MICALL1: variants seen among roughly 807,000 people sequenced by gnomAD.
The protein encoded by MICALL1 is MICAL like 1, also known as MICAL-like protein 1.
In MICALL1, 61 loss-of-function variants were observed where a neutral mutation model predicts 83.7. That is an observed-to-expected ratio of 0.73 (90% CI 0.59 to 0.90). MICALL1 has a LOEUF of 0.90. MICALL1 is among the 40% of genes least tolerant of loss of function. The pLI, the probability that MICALL1 is intolerant of heterozygous loss-of-function variation, is 0.00. For missense variants in MICALL1, 1,066 were observed against 1,152.0 expected (o/e 0.93, Z 1.08); for synonymous variants, 481 against 473.6 (o/e 1.02, Z -0.20).
At chr22:37,933,839 G>A (rs566673535) in intron 13 of MICALL1, among the ~76,000 whole-genome samples, 2 of 152,384 alleles carry the variant, frequency 1.3e-5, no homozygotes, top group South Asian at 4.1e-4. Context: ...GAGAGGTCAA[G>A]GGACTTGGCT....
At chr22:37,922,583 A>T (rs1199497402) in intron 6 of MICALL1, among the ~76,000 whole-genome samples, 157 bp downstream of exon 6, 9 of 70,660 alleles carry the variant, frequency 1.3e-4, no homozygotes, top group African/African-American at 5.2e-4. Flanking sequence ...GTTATTATAT[A>T]TATATATATA....
Position 37,937,781 on chromosome 22 carries a change from T to G in MICALL1, c.2459T>G (p.Ile820Ser). ...EEEDKMLEAM[I>S]KKKEFQREAE... Reference sequence around the variant, plus strand: ...GAAGACAAGATGTTGGAAGCCATGATCAAGAAGAAAGGTGAGGCCCTTGCT... The same window carrying G: ...GAAGACAAGATGTTGGAAGCCATGAGCAAGAAGAAAGGTGAGGCCCTTGCT... Residue 820 changes from isoleucine to serine, a missense_variant, in exon 15 of 16, where the codon ATC becomes AGC. Ile to Ser is a moderately radical substitution (Grantham distance 142). Transcript: ENST00000215957. The G allele has an allele frequency of 6.2e-7, 1 of 1,613,510 alleles. No homozygotes were observed. The highest frequency in any genetic ancestry group is 1.3e-5 in the African/African-American group (1 of 75,020).
chr22:37,912,043 G>A (rs1035115624), intron 2 of MICALL1, 43 bp downstream of exon 2: 5 of 219,704 alleles, frequency 2.3e-5, no homozygotes, highest in Non-Finnish European at 3.3e-5. Flanking sequence ...CTCTGTGTAT[G>A]TGTGTGTGTG....
Position 37,906,418 on chromosome 22 carries a change from G to A in MICALL1, c.-5G>A. The A allele has an allele frequency of 3.5e-6, 4 of 1,127,062 alleles. No homozygotes were observed. The highest frequency in any genetic ancestry group is 3.3e-6 in the Non-Finnish European group (3 of 920,570). 69.8% of individuals were successfully genotyped at this position (1,127,062 alleles called of 1,614,324 possible). On this transcript the variant is annotated 5_prime_UTR_variant, in exon 1 of 16. Transcript: ENST00000215957. The surrounding 1 kb of genome is among the most constrained non-coding windows in gnomAD (Gnocchi z 4.4). ...CAGAGCCGGAGCCGGGCGGGCCGCG[G>A]GGTCATGGCTGGGCCGCGGGGCGCG...
chr22:37,910,553 G>T (rs775181928), intron 1 of MICALL1, among the ~76,000 whole-genome samples: 12 of 152,188 alleles, frequency 7.9e-5, no homozygotes, highest in Admixed American at 3.3e-4. Flanking sequence ...AGCTAGGGAG[G>T]CAGCCCAGGG....
At chr22:37,927,882 T>G in intron 9 of MICALL1, 56 bp downstream of exon 9, 16 of 1,512,728 alleles carry the variant, frequency 1.1e-5, no homozygotes, top group Non-Finnish European at 1.4e-5. Context: ...GATGCGGGTC[T>G]GGTCTCAGGG....
At chr22:37,929,371 G>T (rs1350826141) in intron 9 of MICALL1, among the ~76,000 whole-genome samples, 2 of 152,222 alleles carry the variant, frequency 1.3e-5, no homozygotes, top group East Asian at 1.9e-4. Context: ...TCCCAGCCAG[G>T]TCAGGGGGAG....
intron 6 of MICALL1, among the ~76,000 whole-genome samples, 171 bp downstream of exon 6, chr22:37,922,597 ATATATTTTTTTTTTTTTT>A (rs1929133679): frequency 1.3e-5 from 1 of 77,158 alleles, no homozygotes; most frequent in African/African-American, 5.6e-5. Context: ...ATATATATAT[ATATATTTTTTTTTTTTTT>A]TTTTTTTTTT....
rs552025506 is a variant in MICALL1 at position 37,908,549 on chromosome 22, C to A, written c.146+1981C>A. ...TCTTGAGCTCAAGTAATCTGCCTAC[C>A]TCAGCCTCCCAAAATGCTGGGATTA... On this transcript the variant is annotated intron_variant, in intron 1 of 15. Transcript: ENST00000215957. Among the ~76,000 whole-genome samples the A allele has an allele frequency of 5.3e-5, 8 of 152,304 alleles. No homozygotes were observed. The South Asian group carries it at 1.7e-3, about 32-fold the overall frequency.
In MICALL1 at chr22:37,925,697, G is replaced by T; in HGVS notation, c.1119G>T (p.Thr373=). The change falls in exon 8 of 16, where the codon ACG becomes ACT. Residue 373 remains threonine (T), a synonymous_variant. Coordinates refer to ENST00000215957, the MANE Select transcript of MICALL1 (RefSeq NM_033386.4). ...PAPRKDPPWI[T]LVQAEPKKKP... Reference sequence around the variant, plus strand: ...CCAGGAAGGACCCCCCATGGATCACGCTGGTGCAGGCAGAACCAAAGAAGA... The same window carrying T: ...CCAGGAAGGACCCCCCATGGATCACTCTGGTGCAGGCAGAACCAAAGAAGA... 6.2e-7 allele frequency: 1 copy of T among 1,606,216 alleles called. No homozygotes were observed. The highest frequency in any genetic ancestry group is 8.5e-7 in the Non-Finnish European group (1 of 1,178,202).
intron 4 of MICALL1, 109 bp from the exon 5 acceptor site, chr22:37,918,927 G>A: frequency 7.5e-7 from 1 of 1,325,252 alleles, no homozygotes; most frequent in East Asian, 2.9e-5. Context: ...GAAGCCTGGT[G>A]CACACTTGAG....
chr22:37,928,563 C>G (rs151019871), intron 9 of MICALL1, among the ~76,000 whole-genome samples: 1 of 152,326 alleles, frequency 6.6e-6, no homozygotes, highest in African/African-American at 2.4e-5. Flanking sequence ...CTTGGCCAGT[C>G]TATCTACCCA....
At chr22:37,938,402 A>C (rs1424139732) in intron 15 of MICALL1, among the ~76,000 whole-genome samples, 2 of 112,798 alleles carry the variant, frequency 1.8e-5, no homozygotes, top group African/African-American at 8.2e-5. Flanking sequence ...ACTCAGTCTC[A>C]AAAAAAAAAA....
chr22:37,931,146 T>C (rs1427435962), intron 9 of MICALL1, among the ~76,000 whole-genome samples: 1 of 152,162 alleles, frequency 6.6e-6, no homozygotes, highest in African/African-American at 2.4e-5. Context: ...CTTGGGCTCA[T>C]GGGAAGTGTG....
intron 1 of MICALL1, among the ~76,000 whole-genome samples, chr22:37,908,458 G>A (rs889740895): frequency 2.6e-5 from 4 of 151,714 alleles, no homozygotes; most frequent in East Asian, 3.9e-4. Context: ...ACGCCACCAC[G>A]CCTGTCTAAT....
chr22:37,942,295 G>C lies in MICALL1; in HGVS notation c.*1465G>C, dbSNP rs184621855. 1.3e-5 allele frequency: 2 copies of C among 152,238 alleles called. No individual in the cohort carries two copies. The highest frequency in any genetic ancestry group is 1.3e-4 in the Admixed American group (2 of 15,276). The allele number at this position is 152,238 out of a possible 1,614,324, so 9.4% of individuals were successfully genotyped here. A position where few individuals can be genotyped will look rare whatever the true frequency, so the allele number is the denominator to read the frequency against. On this transcript the variant is annotated 3_prime_UTR_variant, in exon 16 of 16. Coordinates refer to ENST00000215957, the MANE Select transcript of MICALL1 (RefSeq NM_033386.4). ...CTTTCCAGGGCCAGACAGGTAACACGCATGAACCCGAGTGACAGCTCTGAC... is the reference window on the plus strand; with the variant it reads ...CTTTCCAGGGCCAGACAGGTAACACCCATGAACCCGAGTGACAGCTCTGAC...
intron 9 of MICALL1, among the ~76,000 whole-genome samples, chr22:37,931,391 G>GT (rs1929777736): frequency 6.6e-6 from 1 of 150,988 alleles, no homozygotes; most frequent in South Asian, 2.1e-4. Context: ...AAAAAAAAAA[G>GT]TAAATACAAA....
intron 3 of MICALL1, among the ~76,000 whole-genome samples, chr22:37,914,942 A>G (rs1196376768): frequency 6.7e-6 from 1 of 148,492 alleles, no homozygotes; most frequent in Non-Finnish European, 1.5e-5. Context: ...ATGCCCAGCC[A>G]TAAATAAATA....
At chr22:37,918,826 G>A (rs1028128859) in intron 4 of MICALL1, among the ~76,000 whole-genome samples, 3 of 152,254 alleles carry the variant, frequency 2.0e-5, no homozygotes, top group African/African-American at 2.4e-5. Flanking sequence ...GCTTTCCTCC[G>A]TTCTGGGCTT....
Sources: allele counts gnomAD v4.1 joint callset (sites outside exome capture counted in the v4.1 genomes callset), GRCh38; gene constraint gnomAD v4.1.1; non-coding constraint Gnocchi (gnomAD v3.1); transcripts MANE v1.5; gene names NCBI Gene and HGNC (gene_info 2026-07-23, HGNC 2026-07-21).